Variants in GALNT18 observed in about 807,000 individuals in gnomAD.
GALNT18 encodes polypeptide N-acetylgalactosaminyltransferase 18.
A neutral mutation model predicts 69.5 loss-of-function variants in GALNT18; 44 were observed. The observed-to-expected ratio is 0.63, with a 90% confidence interval of 0.50 to 0.81. The LOEUF is 0.81. Among genes scored for constraint, GALNT18 ranks in the 40% least tolerant of loss-of-function variants. The probability of loss-of-function intolerance (pLI) is 0.00; values close to 1 mark genes in which losing one functional copy is unlikely to be tolerated. For synonymous variants in GALNT18, 364 were observed against 318.2 expected, an observed-to-expected ratio of 1.14 and a Z score of -1.53; for missense variants, 715 against 810.0, an observed-to-expected ratio of 0.88 and a Z score of 1.42.
rs1017651734 is a variant in GALNT18, at chr11:11,606,820, C to G, written c.235+14539G>C. On this transcript the variant is annotated intron_variant, in intron 1 of 10. Transcript: ENST00000227756. The surrounding 1 kb of genome is among the most constrained non-coding windows in gnomAD (Gnocchi z 5.4). ...TCAAATCAGGATCCCTAGACCCTAT[C>G]CAGGGCCTCCAGGACCCAGTAGAGG... Among the ~76,000 whole-genome samples, 1 of 152,192 alleles carries G rather than the reference C, an allele frequency of 6.6e-6. No individual in the cohort carries two copies.
At chr11:11,581,529 C>A (rs1470769449) in intron 1 of GALNT18, among the ~76,000 whole-genome samples, 1 of 150,982 alleles carries the variant, frequency 6.6e-6, no homozygotes, top group Non-Finnish European at 1.5e-5. Flanking sequence ...GACCTCCCCT[C>A]CTCCTCCCCT....
At chr11:11,493,838 T>C (rs928312829) in intron 1 of GALNT18, among the ~76,000 whole-genome samples, 3 of 152,118 alleles carry the variant, frequency 2.0e-5, no homozygotes, top group South Asian at 2.1e-4. Flanking sequence ...CCTTTGATCA[T>C]AGGAATTTTC....
At position 11,277,948 on chromosome 11, in the gene GALNT18, G is replaced by A. The variant is rs547607192; in HGVS notation, c.1678-6658C>T. On this transcript the variant is annotated intron_variant, in intron 10 of 10. Coordinates refer to ENST00000227756, the MANE Select transcript of GALNT18 (RefSeq NM_198516.3). ...ATGTGGTCAATTTTGGAATAAGTCC[G>A]ATGAGGTGCTGAGAAGAATGTATAT... Among the ~76,000 whole-genome samples, 146 of 152,272 alleles carry A rather than the reference G, an allele frequency of 9.6e-4. 3 individuals carry two copies. The highest frequency in any genetic ancestry group is 1.5e-3 in the Non-Finnish European group (101 of 68,020).
chr11:11,539,340 C>T (rs1480885809), intron 1 of GALNT18, among the ~76,000 whole-genome samples: 4 of 152,320 alleles, frequency 2.6e-5, no homozygotes, highest in African/African-American at 9.6e-5. Context: ...CTCAGACCAC[C>T]CTCTCCTTCT....
intron 9 of GALNT18, among the ~76,000 whole-genome samples, chr11:11,312,245 G>A (rs1002264717): frequency 2.6e-5 from 4 of 152,128 alleles, no homozygotes; most frequent in Admixed American, 6.5e-5. Flanking sequence ...CACCACGCCC[G>A]GCCCATGTAT....
chr11:11,526,924 AG>A (rs1358371604), intron 1 of GALNT18, among the ~76,000 whole-genome samples: 9 of 152,324 alleles, frequency 5.9e-5, no homozygotes, highest in African/African-American at 2.2e-4. Context: ...TAAGATGGAC[AG>A]GTTCCTCAAT....
chr11:11,325,949 T>C (rs1357040843), intron 9 of GALNT18, among the ~76,000 whole-genome samples: 13 of 152,166 alleles, frequency 8.5e-5, no homozygotes, highest in Non-Finnish European at 1.6e-4. Flanking sequence ...CGTCATGATG[T>C]CCTTCAGTTG....
At chr11:11,301,429 AG>A (rs1190195258) in intron 9 of GALNT18, among the ~76,000 whole-genome samples, 1 of 152,162 alleles carries the variant, frequency 6.6e-6, no homozygotes, top group Non-Finnish European at 1.5e-5. Flanking sequence ...TACAGTGCTG[AG>A]GGCCACAGTG....
At chr11:11,610,342 C>T (rs1320413828) in intron 1 of GALNT18, among the ~76,000 whole-genome samples, 2 of 152,212 alleles carry the variant, frequency 1.3e-5, no homozygotes, top group Non-Finnish European at 2.9e-5. Flanking sequence ...AAGCTCATTA[C>T]AGTCACTAAG....
intron 1 of GALNT18, among the ~76,000 whole-genome samples, chr11:11,453,824 G>A (rs1223300103): frequency 6.6e-6 from 1 of 152,202 alleles, no homozygotes; most frequent in Non-Finnish European, 1.5e-5. Flanking sequence ...GTGGAACTGT[G>A]AGTCCATTAA....
intron 1 of GALNT18, among the ~76,000 whole-genome samples, chr11:11,521,604 G>T (rs1484286522): frequency 6.6e-6 from 1 of 152,164 alleles, no homozygotes; most frequent in African/African-American, 2.4e-5. Context: ...CTTCATTCCT[G>T]AACCGTTCAG....
Position 11,402,255 on chromosome 11 carries a change from G to A in GALNT18, c.596-22991C>T, listed in dbSNP as rs189500921. ...TTATAGAACAGAGATTGTCTTAAAC[G>A]ATCCAGCCTGGTGGAATTAGATTTC... On this transcript the variant is annotated intron_variant, in intron 3 of 10. Transcript: ENST00000227756. The surrounding 1 kb of genome is among the most constrained non-coding windows in gnomAD (Gnocchi z 4.0). Among the ~76,000 whole-genome samples, 44 of 152,348 alleles carry A rather than the reference G, an allele frequency of 2.9e-4. No homozygotes were observed. The East Asian group carries it at 5.8e-3, about 20-fold the overall frequency.
At chr11:11,467,734 G>C (rs544261343) in intron 1 of GALNT18, among the ~76,000 whole-genome samples, 1 of 152,310 alleles carries the variant, frequency 6.6e-6, no homozygotes, top group Admixed American at 6.5e-5. Context: ...GCCCAACCCT[G>C]GTTGAGTCAA....
At chr11:11,490,200 TTCTCTCTCTCTCTCTCTCTC>T (rs71037025) in intron 1 of GALNT18, among the ~76,000 whole-genome samples, 1 of 130,694 alleles carries the variant, frequency 7.7e-6, no homozygotes, top group African/African-American at 2.9e-5. Context: ...CCTTCACTCA[TTCTCTCTCTCTCTCTCTCTC>T]TCTCTCTCTC....
chr11:11,400,564 G>A (rs1854437572), intron 3 of GALNT18, among the ~76,000 whole-genome samples: 1 of 152,168 alleles, frequency 6.6e-6, no homozygotes, highest in Admixed American at 6.5e-5. Flanking sequence ...ATTTCTCACA[G>A]TTCTGAAGGC....
rs1855495841 is a variant in GALNT18, at chr11:11,439,771, G to A, written c.429-6984C>T. Among the ~76,000 whole-genome samples the A allele has an allele frequency of 1.3e-5, 2 of 152,144 alleles. No homozygotes were observed. Among genetic ancestry groups the A allele is most frequent in the Admixed American group, 6.5e-5 (1 of 15,288 alleles). ...TCAGGTCCATAAGGGCTCTGTGGAT[G>A]GGAATTCTACCATGACCTGATGGGA... On this transcript the variant is annotated intron_variant, in intron 2 of 10. Transcript: ENST00000227756. This position sits in a 1 kb window ranked among gnomAD's most constrained non-coding sequence, Gnocchi z 4.4.
At chr11:11,284,908 GT>G (rs58795517) in intron 10 of GALNT18, among the ~76,000 whole-genome samples, 44 of 82,820 alleles carry the variant, frequency 5.3e-4, no homozygotes, top group African/African-American at 1.3e-3. Context: ...AGACTTTCGT[GT>G]TTTTTTTTTT....
At chr11:11,405,651 G>A (rs978138125) in intron 3 of GALNT18, among the ~76,000 whole-genome samples, 7 of 152,234 alleles carry the variant, frequency 4.6e-5, no homozygotes, top group African/African-American at 1.4e-4. Context: ...GAGACGCGCC[G>A]AATGCAGACC....
Position 11,404,721 on chromosome 11 carries a change from A to C in GALNT18, c.596-25457T>G, listed in dbSNP as rs551209175. 7.1e-4 allele frequency among the ~76,000 whole-genome samples: 108 copies of C among 152,142 alleles called. No individual in the cohort carries two copies. Among genetic ancestry groups the C allele is most frequent in the Non-Finnish European group, 1.3e-3 (89 of 68,012 alleles). On this transcript the variant is annotated intron_variant, in intron 3 of 10. Transcript: ENST00000227756. This position sits in a 1 kb window ranked among gnomAD's most constrained non-coding sequence, Gnocchi z 4.5. ...TTCAACCTAACTCTGACTTCATCTCAACCTTAACATCCTTTTGACCTCAAC... is the reference window on the plus strand; with the variant it reads ...TTCAACCTAACTCTGACTTCATCTCCACCTTAACATCCTTTTGACCTCAAC...
Sources: gnomAD v4.1 joint callset for allele counts (sites outside exome capture counted in the v4.1 genomes callset) on GRCh38, gnomAD v4.1.1 for gene constraint, Gnocchi (gnomAD v3.1) non-coding constraint, MANE v1.5 for transcripts, NCBI Gene and HGNC (gene_info 2026-07-23, HGNC 2026-07-21) for gene names.